Variants in EHBP1 observed in about 807,000 individuals in gnomAD.
The protein encoded by EHBP1 is EH domain-binding protein 1.
A neutral mutation model predicts 144.0 loss-of-function variants in EHBP1; 55 were observed. The observed-to-expected ratio is 0.38, with a 90% CI of 0.31 to 0.48. The LOEUF is 0.48. EHBP1 is among the 20% of genes least tolerant of loss of function. The pLI, the probability that EHBP1 is intolerant of heterozygous loss-of-function variation, is 0.98. For synonymous variants in EHBP1, 469 were observed against 472.7 expected, an observed-to-expected ratio of 0.99 and a Z score of 0.10; for missense variants, 1,200 against 1,364.2, an observed-to-expected ratio of 0.88 and a Z score of 1.90.
chr2:62,854,896 C>G (rs1337442246), intron 7 of EHBP1, among the ~76,000 whole-genome samples: 1 of 152,150 alleles, frequency 6.6e-6, no homozygotes, highest in Admixed American at 6.5e-5. Flanking sequence ...GGCTGGAGCT[C>G]CCTGGGTGCT....
chr2:62,761,865 T>C lies in EHBP1; in HGVS notation c.163-2401T>C, dbSNP rs192594721. ...TTTTCTCCACTAGCGCCAACCTGTT[T>C]CTTTTCCTTTCAGCAAAACACCCCA... On this transcript the variant is annotated intron_variant, in intron 3 of 22. Coordinates refer to ENST00000431489, the MANE Select transcript of EHBP1 (RefSeq NM_001142616.3). 4.3e-3 allele frequency among the ~76,000 whole-genome samples: 662 copies of C among 152,340 alleles called. 4 individuals carry two copies. Among genetic ancestry groups the C allele is most frequent in the Non-Finnish European group, 7.1e-3 (480 of 68,022 alleles).
rs538378552 is a variant in EHBP1 at position 62,720,590 on chromosome 2, T to A, written c.104+13295T>A. Among the ~76,000 whole-genome samples, 3 of 152,360 alleles carry A rather than the reference T, an allele frequency of 2.0e-5. No homozygotes were observed. In the East Asian group the frequency reaches 5.8e-4, roughly 29 times the overall value. On this transcript the variant is annotated intron_variant, in intron 2 of 22. Transcript: ENST00000431489. ...TTCATGCAATAAGTGGGTCTAGATA[T>A]CAAGTTTAATGGTTCAGCTTTAATT...
At chr2:62,789,540 T>G (rs2043036343) in intron 5 of EHBP1, among the ~76,000 whole-genome samples, 1 of 151,850 alleles carries the variant, frequency 6.6e-6, no homozygotes, top group Admixed American at 6.6e-5. Context: ...GTGCACAACC[T>G]CTGATCTTCA....
chr2:63,003,994 G>T (rs1372344450), intron 19 of EHBP1, among the ~76,000 whole-genome samples: 1 of 152,008 alleles, frequency 6.6e-6, no homozygotes, highest in Non-Finnish European at 1.5e-5. Flanking sequence ...ACATGTATCT[G>T]TTGTTTTAAA....
At chr2:62,819,017 T>G (rs1170317902) in intron 5 of EHBP1, among the ~76,000 whole-genome samples, 1 of 152,162 alleles carries the variant, frequency 6.6e-6, no homozygotes, top group Non-Finnish European at 1.5e-5. Context: ...ATGCCGCAGC[T>G]CATTTTATGA....
chr2:63,021,449 A>G (rs914325051), intron 19 of EHBP1, among the ~76,000 whole-genome samples: 2 of 152,200 alleles, frequency 1.3e-5, no homozygotes, highest in Admixed American at 6.5e-5. Context: ...TAGTCCCTTT[A>G]TCTGAATTCC....
At chr2:62,919,976 A>C (rs1187282598) in intron 10 of EHBP1, among the ~76,000 whole-genome samples, 1 of 152,174 alleles carries the variant, frequency 6.6e-6, no homozygotes, top group African/African-American at 2.4e-5. Context: ...AACACAGCCT[A>C]AAGTACCTGT....
chr2:62,751,898 C>T (rs1043156396), intron 3 of EHBP1, among the ~76,000 whole-genome samples: 16 of 151,840 alleles, frequency 1.1e-4, no homozygotes, highest in African/African-American at 2.7e-4. Flanking sequence ...GTCTTGCTAG[C>T]GGTCTATCAA....
intron 19 of EHBP1, among the ~76,000 whole-genome samples, chr2:63,030,573 C>CAGTGGTGA (rs2061199066): frequency 3.9e-5 from 6 of 152,038 alleles, no homozygotes; most frequent in African/African-American, 1.4e-4. Flanking sequence ...CTGCAAGCTC[C>CAGTGGTGA]ACCTCCCAGG....
intron 19 of EHBP1, among the ~76,000 whole-genome samples, chr2:63,025,710 T>G (rs2153314421): frequency 6.6e-6 from 1 of 152,302 alleles, no homozygotes; most frequent in East Asian, 1.9e-4. Flanking sequence ...ATGGGGTATT[T>G]TAAAATTTAT....
intron 9 of EHBP1, among the ~76,000 whole-genome samples, chr2:62,872,274 C>T (rs754972341): frequency 4.7e-5 from 7 of 147,790 alleles, no homozygotes; most frequent in South Asian, 2.2e-4. Flanking sequence ...CTAATATAAC[C>T]GATGAATTTT....
chr2:62,860,005 T>C (rs1390572456), intron 8 of EHBP1, among the ~76,000 whole-genome samples: 1 of 152,194 alleles, frequency 6.6e-6, no homozygotes, highest in Non-Finnish European at 1.5e-5. Context: ...CTGCCTGTCA[T>C]GGTGAAAATG....
rs1039759887 is a variant in EHBP1, at chr2:62,804,593, G to A, written c.313-21494G>A. ...TGTTTACATAAAAATAAAAACTAACGTATATTTAAAATCATATTAAGACTC... is the reference window on the plus strand; with the variant it reads ...TGTTTACATAAAAATAAAAACTAACATATATTTAAAATCATATTAAGACTC... On this transcript the variant is annotated intron_variant, in intron 5 of 22. Transcript: ENST00000431489. Among the ~76,000 whole-genome samples, 6 of 152,256 alleles carry A rather than the reference G, an allele frequency of 3.9e-5. No individual in the cohort carries two copies. In the South Asian group the frequency reaches 1.0e-3, roughly 26 times the overall value.
rs944673512 is a variant in EHBP1, at chr2:62,812,852, A to C, written c.313-13235A>C. Reference sequence around the variant, plus strand: ...TTTATAATTAAAAGGAAAGCAGAATACAAAAAGTTGGAAGATTCATAGCCT... The same window carrying C: ...TTTATAATTAAAAGGAAAGCAGAATCCAAAAAGTTGGAAGATTCATAGCCT... On this transcript the variant is annotated intron_variant, in intron 5 of 22. Transcript: ENST00000431489. Among the ~76,000 whole-genome samples, 75 of 152,212 alleles carry C rather than the reference A, an allele frequency of 4.9e-4. 1 individual carries two copies. The highest frequency in any genetic ancestry group is 1.8e-3 in the African/African-American group (74 of 41,456).
At chr2:62,908,913 C>T (rs2053995362) in intron 10 of EHBP1, among the ~76,000 whole-genome samples, 1 of 152,128 alleles carries the variant, frequency 6.6e-6, no homozygotes, top group Non-Finnish European at 1.5e-5. Context: ...ATATATCTCC[C>T]AGTGCCTAGA....
chr2:62,686,301 A>G (rs905576009), intron 1 of EHBP1, among the ~76,000 whole-genome samples: 1 of 152,204 alleles, frequency 6.6e-6, no homozygotes, highest in Non-Finnish European at 1.5e-5. Flanking sequence ...CATTTTGTCT[A>G]CTCTTTAGGA....
chr2:62,775,148 T>A (rs1048259960), intron 5 of EHBP1, among the ~76,000 whole-genome samples: 3 of 152,206 alleles, frequency 2.0e-5, no homozygotes, highest in Non-Finnish European at 2.9e-5. Context: ...CAAATTTATT[T>A]AAAATATATT....
At chr2:62,757,070 C>T (rs190688354) in intron 3 of EHBP1, among the ~76,000 whole-genome samples, 1 of 152,266 alleles carries the variant, frequency 6.6e-6, no homozygotes, top group East Asian at 1.9e-4. Flanking sequence ...ATATACGTTA[C>T]TTGCTGCTAA....
chr2:63,040,324 T>C (rs1280238379), intron 21 of EHBP1, among the ~76,000 whole-genome samples: 1 of 152,112 alleles, frequency 6.6e-6, no homozygotes, highest in Non-Finnish European at 1.5e-5. Context: ...TACAGCTTGA[T>C]ACAATACAGT....
Sources: gnomAD v4.1 joint callset for allele counts (sites outside exome capture counted in the v4.1 genomes callset) on GRCh38, gnomAD v4.1.1 for gene constraint, MANE v1.5 for transcripts, NCBI Gene and HGNC (gene_info 2026-07-23, HGNC 2026-07-21) for gene names.